The following ZNF665 variants were observed in gnomAD, a reference collection of about 807,000 sequenced individuals.
ZNF665 encodes zinc finger protein 665.
A neutral mutation model predicts 7.9 loss-of-function variants in ZNF665; 6 were observed. The observed-to-expected ratio is 0.76, with a 90% confidence interval of 0.42 to 1.50. The LOEUF is 1.50. ZNF665 is among the 40% of genes most tolerant of loss of function. ZNF665 has a pLI of 0.01. For missense variants in ZNF665, 819 were observed against 806.7 expected (o/e 1.02, Z -0.18); for synonymous variants, 242 against 274.5 (o/e 0.88, Z 1.17).
In ZNF665 at chr19:53,166,335, T is replaced by C; in HGVS notation, c.155A>G (p.Lys52Arg). 1 of 1,575,640 alleles carries C rather than the reference T, an allele frequency of 6.3e-7. No individual in the cohort carries two copies. Among genetic ancestry groups the C allele is most frequent in the Non-Finnish European group, 8.6e-7 (1 of 1,162,754 alleles). ...TGGTGGCAAATCCGTGTTTACACAT[T>C]TACAAGAGATATCTGTAAGATATAA... The part of the protein sequence containing the change: ...RNLVSLDISC[K>R]CVNTDLPPKG... The change falls in exon 4 of 4, where the codon AAA (lysine) becomes AGA (arginine). Residue 52 changes from lysine to arginine, a missense_variant. Transcript: ENST00000396424.
At position 53,165,397 on chromosome 19, in the gene ZNF665, G is replaced by A. The variant is rs767094244; in HGVS notation, c.1093C>T (p.Arg365Trp). Residue 365 changes from arginine (R) to tryptophan (W), a missense_variant, in exon 4 of 4, where the codon CGG (arginine) becomes TGG (tryptophan). Arg to Trp is a moderately radical substitution (Grantham distance 101, BLOSUM62 -3). Coordinates refer to ENST00000396424, the MANE Select transcript of ZNF665 (RefSeq NM_024733.5). ...FRHNSYLAKH[R>W]RIHTGEKPYK... Reference sequence around the variant, plus strand: ...GGTTTCTCACCAGTATGAATTCGCCGATGCTTTGCAAGGTATGAATTGTGC... The same window carrying A: ...GGTTTCTCACCAGTATGAATTCGCCAATGCTTTGCAAGGTATGAATTGTGC... 1.5e-5 allele frequency: 25 copies of A among 1,613,972 alleles called. No individual in the cohort carries two copies. The highest frequency in any genetic ancestry group is 4.5e-5 in the East Asian group (2 of 44,886).
intron 3 of ZNF665, among the ~76,000 whole-genome samples, chr19:53,168,951 T>C (rs181085950): frequency 6.6e-6 from 1 of 152,078 alleles, no homozygotes; most frequent in African/African-American, 2.4e-5. Context: ...CTCAAATAGA[T>C]CAGATGAAAA....
intron 1 of ZNF665, 159 bp from the exon 2 acceptor site, chr19:53,183,102 G>C (rs2090750810): frequency 2.5e-6 from 2 of 808,556 alleles, no homozygotes; most frequent in East Asian, 2.6e-5. Context: ...CACTGCACCA[G>C]AAAAGATGCA....
intron 3 of ZNF665, among the ~76,000 whole-genome samples, chr19:53,170,406 T>C (rs1322056236): frequency 6.6e-6 from 1 of 152,216 alleles, no homozygotes; most frequent in Non-Finnish European, 1.5e-5. Context: ...CATTTACTCT[T>C]GTTTAATTGA....
chr19:53,184,155 TAGG>T lies in ZNF665; in HGVS notation c.-45-1215_-45-1213del, dbSNP rs2090759331. ...GTCCCAGCTACTTGGGAGGCTGAGG[TAGG>T]AGGATGGCTTGAGGACAGGAGGTGG... On this transcript the variant is annotated intron_variant, in intron 1 of 3. Coordinates refer to ENST00000396424, the MANE Select transcript of ZNF665 (RefSeq NM_024733.5). 2.0e-5 allele frequency among the ~76,000 whole-genome samples: 3 copies of T among 151,352 alleles called. No homozygotes were observed. In the South Asian group the frequency reaches 6.3e-4, roughly 32 times the overall value.
At position 53,165,069 on chromosome 19, in the gene ZNF665, G is replaced by T; in HGVS notation, c.1421C>A (p.Ala474Glu). The T allele has an allele frequency of 1.2e-6, 2 of 1,614,120 alleles. No individual in the cohort carries two copies. Among genetic ancestry groups the T allele is most frequent in the Non-Finnish European group, 1.7e-6 (2 of 1,180,038 alleles). ...GKVFTQNSHL[A>E]SHRGIHSGEK... ...TCCAGAATGAATTCCCCGATGACTT[G>T]CAAGGTGTGAATTTTGTGTGAAGAC... Residue 474 changes from alanine (A) to glutamate (E), a missense_variant, in exon 4 of 4, where the codon GCA becomes GAA. Ala to Glu is a moderately radical substitution (Grantham distance 107). Coordinates refer to ENST00000396424, the MANE Select transcript of ZNF665 (RefSeq NM_024733.5).
chr19:53,183,039 AACCTTATACACAGGGAAG>A (rs2090750244), intron 1 of ZNF665, 96 bp from the exon 2 acceptor site: 5 of 1,303,490 alleles, frequency 3.8e-6, no homozygotes, highest in East Asian at 2.3e-5. Flanking sequence ...CCTGGGCCAT[AACCTTATACACAGGGAAG>A]ACCTTATACA....
chr19:53,165,565 G>A lies in ZNF665; in HGVS notation c.925C>T (p.Arg309Ter), dbSNP rs749136964. 27 of 1,613,390 alleles carry A rather than the reference G, an allele frequency of 1.7e-5. No individual in the cohort carries two copies. The East Asian group carries it at 2.7e-4, about 16-fold the overall frequency. ...FTQNSHLASH[R>*]RIHTGEKPYK... ...GGCTTCTCCCCAGTATGAATTCTTCGATGACTTGCAAGGTGTGAATTTTGA... is the reference window on the plus strand; with the variant it reads ...GGCTTCTCCCCAGTATGAATTCTTCAATGACTTGCAAGGTGTGAATTTTGA... Residue 309 changes from arginine to a stop codon, truncating the protein, a stop_gained, in exon 4 of 4, where the codon CGA becomes TGA. Transcript: ENST00000396424. LOFTEE classifies it low-confidence loss of function (END_TRUNC).
intron 1 of ZNF665, among the ~76,000 whole-genome samples, chr19:53,185,377 C>A (rs1376605251): frequency 2.0e-5 from 3 of 152,118 alleles, no homozygotes; most frequent in Non-Finnish European, 4.4e-5. Context: ...CTTCTGGTCA[C>A]TTCTCACTGT....
intron 3 of ZNF665, among the ~76,000 whole-genome samples, chr19:53,171,504 G>GTGTATATATATATATATATATATA (rs140482885): frequency 1.7e-5 from 1 of 57,774 alleles, no homozygotes; most frequent in Non-Finnish European, 3.3e-5. Flanking sequence ...GTGTGTGTGT[G>GTGTATATATATATATATATATATA]TATATATATA....
intron 3 of ZNF665, among the ~76,000 whole-genome samples, chr19:53,167,397 A>G (rs1193984682): frequency 1.3e-5 from 2 of 152,096 alleles, no homozygotes; most frequent in East Asian, 3.9e-4. Flanking sequence ...TATAAGCAGT[A>G]GGCAAGAATT....
chr19:53,170,555 C>T (rs995899802), intron 3 of ZNF665, among the ~76,000 whole-genome samples: 4 of 152,128 alleles, frequency 2.6e-5, no homozygotes, highest in Non-Finnish European at 5.9e-5. Flanking sequence ...ATTTCTGTGC[C>T]TAGATTATTT....
intron 3 of ZNF665, among the ~76,000 whole-genome samples, chr19:53,175,162 C>T (rs1017895374): frequency 2.0e-5 from 3 of 152,096 alleles, no homozygotes; most frequent in Non-Finnish European, 4.4e-5. Flanking sequence ...CCATGAACCA[C>T]TCAATCAAAA....
chr19:53,184,566 AGGGAGCCGTGTAGGT>A (rs543392304), intron 1 of ZNF665, among the ~76,000 whole-genome samples: 10 of 152,264 alleles, frequency 6.6e-5, no homozygotes, highest in African/African-American at 2.4e-4. Context: ...TGCAGGGAAC[AGGGAGCCGTGTAGGT>A]GGGTTTAAAG....
At chr19:53,190,715 C>G (rs2090810636) in intron 1 of ZNF665, among the ~76,000 whole-genome samples, 2 of 152,186 alleles carry the variant, frequency 1.3e-5, no homozygotes, top group Admixed American at 1.3e-4. Context: ...GGGTGGATTA[C>G]CTGAGATCAG....
chr19:53,177,919 G>T (rs940855245), intron 2 of ZNF665, among the ~76,000 whole-genome samples: 9 of 152,176 alleles, frequency 5.9e-5, no homozygotes, highest in Non-Finnish European at 8.8e-5. Context: ...CAGGTCAAAG[G>T]ACTAAAAATG....
chr19:53,172,078 T>C (rs2090662807), intron 3 of ZNF665, among the ~76,000 whole-genome samples: 1 of 152,230 alleles, frequency 6.6e-6, no homozygotes, highest in Non-Finnish European at 1.5e-5. Context: ...TTTATGGTGG[T>C]AAATAATAGA....
At position 53,166,123 on chromosome 19, in the gene ZNF665, T is replaced by C; in HGVS notation, c.367A>G (p.Arg123Gly). 6.2e-7 allele frequency: 1 copy of C among 1,613,914 alleles called. No individual in the cohort carries two copies. The highest frequency in any genetic ancestry group is 8.5e-7 in the Non-Finnish European group (1 of 1,179,830). ...LMLQKENLPGRRAQRDRRAAG... is the reference protein window; with the variant it reads ...LMLQKENLPGGRAQRDRRAAG... ...GCCCTTCTATCACGTTGAGCTCTTC[T>C]ACCAGGGAGATTTTCTTTTTGCAAC... The change falls in exon 4 of 4, where the codon AGA becomes GGA. Residue 123 changes from arginine to glycine, a missense_variant. Arg to Gly is a moderately radical substitution (Grantham distance 125). Transcript: ENST00000396424.
At chr19:53,184,713 T>C (rs2090763584) in intron 1 of ZNF665, among the ~76,000 whole-genome samples, 1 of 151,840 alleles carries the variant, frequency 6.6e-6, no homozygotes, top group Non-Finnish European at 1.5e-5. Context: ...GACAAAGAGA[T>C]AAAAGAAAAG....
Sources: gnomAD v4.1 joint callset for allele counts (sites outside exome capture counted in the v4.1 genomes callset) on GRCh38, gnomAD v4.1.1 for gene constraint, MANE v1.5 for transcripts, NCBI Gene and HGNC (gene_info 2026-07-23, HGNC 2026-07-21) for gene names.